Variants in KHDRBS2 observed in about 807,000 individuals in gnomAD.
The protein encoded by KHDRBS2 is KH domain-containing, RNA-binding, signal transduction-associated protein 2.
KHDRBS2 carries 26 observed loss-of-function variants against 44.3 expected under a neutral mutation model. The observed-to-expected ratio is 0.59, with a 90% confidence interval of 0.43 to 0.81. The LOEUF (loss-of-function observed/expected upper bound fraction) is 0.81, where lower values mean the gene tolerates loss of function less well. Ranked by LOEUF, KHDRBS2 falls within the 40% of genes least tolerant of loss-of-function variation. KHDRBS2 has a pLI of 0.00. For synonymous variants in KHDRBS2, 194 were observed against 151.1 expected, an observed-to-expected ratio of 1.28 and a Z score of -2.08; for missense variants, 476 against 433.1, an observed-to-expected ratio of 1.10 and a Z score of -0.88.
chr6:61,869,730 T>A (rs1424497093), intron 6 of KHDRBS2, among the ~76,000 whole-genome samples: 8 of 151,982 alleles, frequency 5.3e-5, no homozygotes, highest in Non-Finnish European at 7.4e-5. Flanking sequence ...GGGTGGGGTG[T>A]CACCTTACCT....
At chr6:61,672,678 C>A in the KHDRBS2 span, among the ~76,000 whole-genome samples, 1 of 151,996 alleles carries the variant, frequency 6.6e-6, no homozygotes, top group Admixed American at 6.6e-5. Flanking sequence ...CCTTTGCCCA[C>A]TTTTTGATGG....
intron 3 of KHDRBS2, among the ~76,000 whole-genome samples, chr6:62,024,582 ATAAT>A (rs1782954026): frequency 1.3e-5 from 2 of 151,628 alleles, no homozygotes; most frequent in Admixed American, 6.6e-5. Context: ...TGAAAATAAA[ATAAT>A]TTTATTGACT....
intron 6 of KHDRBS2, among the ~76,000 whole-genome samples, chr6:61,757,061 T>C (rs1300230655): frequency 1.3e-5 from 2 of 152,248 alleles, no homozygotes; most frequent in Non-Finnish European, 2.9e-5. Flanking sequence ...TATTTTATAT[T>C]GCTCAGTAGC....
At chr6:61,825,559 C>T (rs1317220586) in intron 6 of KHDRBS2, among the ~76,000 whole-genome samples, 8 of 152,216 alleles carry the variant, frequency 5.3e-5, no homozygotes, top group East Asian at 3.9e-4. Context: ...AGTAAATGAA[C>T]GCAGTTAAGA....
intron 2 of KHDRBS2, among the ~76,000 whole-genome samples, chr6:62,135,107 C>A (rs972572689): frequency 6.6e-6 from 1 of 152,118 alleles, no homozygotes; most frequent in African/African-American, 2.4e-5. Flanking sequence ...GTGTCCCAAC[C>A]CAAATCTCAT....
At chr6:62,105,313 A>C (rs1314319227) in intron 2 of KHDRBS2, among the ~76,000 whole-genome samples, 1 of 152,206 alleles carries the variant, frequency 6.6e-6, no homozygotes, top group African/African-American at 2.4e-5. Context: ...CAGAAAAAGA[A>C]AATTCACACA....
chr6:62,228,502 A>C (rs1171231273), intron 1 of KHDRBS2, among the ~76,000 whole-genome samples: 1 of 151,872 alleles, frequency 6.6e-6, no homozygotes, highest in Non-Finnish European at 1.5e-5. Context: ...GATTTTTTGG[A>C]GGGTTTTTCA....
intron 6 of KHDRBS2, among the ~76,000 whole-genome samples, chr6:61,848,404 T>A (rs1327935957): frequency 7.1e-6 from 1 of 140,802 alleles, no homozygotes; most frequent in Admixed American, 7.4e-5. Context: ...TGTATAACAC[T>A]CCCCCATCTA....
the KHDRBS2 span, among the ~76,000 whole-genome samples, chr6:61,550,880 C>A: frequency 2.7e-5 from 4 of 148,670 alleles, no homozygotes; most frequent in South Asian, 8.7e-4. Context: ...TCAAGTGATT[C>A]TCCTCCTCAT....
At chr6:61,736,740 C>T (rs989853398) in intron 6 of KHDRBS2, among the ~76,000 whole-genome samples, 2 of 152,016 alleles carry the variant, frequency 1.3e-5, no homozygotes, top group African/African-American at 4.8e-5. Context: ...TGAAATGCTA[C>T]TGATTCCTCA....
chr6:62,027,081 T>A (rs1373068995), intron 3 of KHDRBS2, among the ~76,000 whole-genome samples: 4 of 152,000 alleles, frequency 2.6e-5, no homozygotes, highest in Non-Finnish European at 5.9e-5. Context: ...TTTAGATTCA[T>A]CTCTGGAACT....
intron 4 of KHDRBS2, among the ~76,000 whole-genome samples, chr6:61,961,203 T>G (rs1438946277): frequency 6.6e-6 from 1 of 152,138 alleles, no homozygotes; most frequent in Non-Finnish European, 1.5e-5. Context: ...ATTCACTGAG[T>G]GCTTACTATT....
chr6:61,595,889 T>A, the KHDRBS2 span, among the ~76,000 whole-genome samples: 6 of 151,974 alleles, frequency 3.9e-5, no homozygotes, highest in Admixed American at 2.6e-4. Context: ...TATTTTAAAT[T>A]ACTGAAAATA....
At chr6:61,710,788 C>T (rs952388983) in intron 7 of KHDRBS2, among the ~76,000 whole-genome samples, 4 of 131,920 alleles carry the variant, frequency 3.0e-5, no homozygotes, top group Admixed American at 8.3e-5. Flanking sequence ...TCTCATTGTA[C>T]CTGAGCTCTT....
At chr6:61,553,976 CTT>C in the KHDRBS2 span, among the ~76,000 whole-genome samples, 1 of 151,940 alleles carries the variant, frequency 6.6e-6, no homozygotes, top group African/African-American at 2.4e-5. Context: ...TGTATATTCT[CTT>C]GTCTGTGGGT....
chr6:61,596,629 T>C, the KHDRBS2 span, among the ~76,000 whole-genome samples: 2,429 of 152,154 alleles, frequency 0.016, 67 homozygotes, highest in African/African-American at 0.056. Flanking sequence ...CCTACATTTG[T>C]ACTTCTTTTT....
chr6:62,263,533 G>T (rs1379714478), intron 1 of KHDRBS2, among the ~76,000 whole-genome samples: 1 of 151,568 alleles, frequency 6.6e-6, no homozygotes, highest in African/African-American at 2.4e-5. Flanking sequence ...ATTCCCACTA[G>T]AATAATTCAT....
the KHDRBS2 span, among the ~76,000 whole-genome samples, chr6:61,586,189 A>G: frequency 2.0e-5 from 3 of 152,336 alleles, no homozygotes; most frequent in Middle Eastern, 3.4e-3. Flanking sequence ...TTTGTTACTT[A>G]CAATAAAAAA....
intron 6 of KHDRBS2, among the ~76,000 whole-genome samples, chr6:61,769,641 C>T (rs1018332802): frequency 8.5e-5 from 13 of 152,300 alleles, no homozygotes; most frequent in Middle Eastern, 3.4e-3. Context: ...GGGCGGCGCC[C>T]GCCATTGCCG....
Sources: allele counts gnomAD v4.1 joint callset (sites outside exome capture counted in the v4.1 genomes callset), GRCh38; gene constraint gnomAD v4.1.1; transcripts MANE v1.5; gene names NCBI Gene and HGNC (gene_info 2026-07-23, HGNC 2026-07-21).